The following SLC1A3 variants were observed in gnomAD, a reference collection of about 807,000 sequenced individuals.
SLC1A3 encodes the protein solute carrier family 1 member 3, also known as excitatory amino acid transporter 1.
Under a neutral mutation model 48.1 loss-of-function variants are expected in SLC1A3, and 21 were observed. The observed-to-expected ratio is 0.44, with a 90% CI of 0.31 to 0.63. SLC1A3 has a LOEUF of 0.63. Among genes scored for constraint, SLC1A3 ranks in the 20% least tolerant of loss-of-function variants. The probability of loss-of-function intolerance (pLI) is 0.08; values close to 1 mark genes in which losing one functional copy is unlikely to be tolerated. For synonymous variants in SLC1A3, 239 were observed against 251.4 expected (o/e 0.95, Z 0.47); for missense variants, 546 against 689.0 (o/e 0.79, Z 2.32).
chr5:36,635,877 A>G (rs1164491521), intron 3 of SLC1A3: 1 of 152,156 alleles, frequency 6.6e-6, no homozygotes, highest in Non-Finnish European at 1.5e-5. Context: ...AAACCAACGT[A>G]TTGGGCCTGC....
At chr5:36,655,880 A>G (rs1741264754) in intron 3 of SLC1A3, among the ~76,000 whole-genome samples, 1 of 152,240 alleles carries the variant, frequency 6.6e-6, no homozygotes, top group Admixed American at 6.5e-5. Flanking sequence ...ACTACAATCA[A>G]GTTTCCATTG....
intron 1 of SLC1A3, among the ~76,000 whole-genome samples, chr5:36,600,959 C>A (rs1428107670): frequency 6.6e-6 from 1 of 152,172 alleles, no homozygotes; most frequent in East Asian, 1.9e-4. Flanking sequence ...TTTCTCAACC[C>A]AAAACTGCAT....
intron 2 of SLC1A3, among the ~76,000 whole-genome samples, chr5:36,625,236 T>A (rs886148083): frequency 4.6e-5 from 7 of 152,206 alleles, no homozygotes; most frequent in Admixed American, 2.6e-4. Flanking sequence ...GGCAGGCGGA[T>A]CACGTGACGT....
intron 3 of SLC1A3, among the ~76,000 whole-genome samples, chr5:36,662,875 CAG>C (rs1456370977): frequency 3.6e-4 from 55 of 152,374 alleles, no homozygotes; most frequent in East Asian, 2.1e-3. Flanking sequence ...CTTGACCACT[CAG>C]AGGCCGCCAT....
In SLC1A3 at chr5:36,687,503, G is replaced by A. The variant is rs750506459; in HGVS notation, c.*1234G>A. 3.3e-5 allele frequency: 5 copies of A among 151,828 alleles called. No homozygotes were observed. Among genetic ancestry groups the A allele is most frequent in the South Asian group, 4.2e-4 (2 of 4,790 alleles). 9.4% of individuals were successfully genotyped at this position (151,828 alleles called of 1,614,324 possible). On this transcript the variant is annotated 3_prime_UTR_variant, in exon 10 of 10. Transcript: ENST00000265113. ...AAGTCTGCTTACCAAAACATAAGAC[G>A]ACTTATATATTTGAAAGAAGTCAAA...
At chr5:36,643,287 G>A (rs1740692990) in intron 3 of SLC1A3, among the ~76,000 whole-genome samples, 2 of 152,152 alleles carry the variant, frequency 1.3e-5, no homozygotes, top group Admixed American at 1.3e-4. Context: ...GTGTATGAGT[G>A]TTCTAATTTC....
At position 36,612,603 on chromosome 5, in the gene SLC1A3, A is replaced by AT. The variant is rs1158781529; in HGVS notation, c.181+3999_181+4000insT. 568 of 148,216 alleles carry AT rather than the reference A, an allele frequency of 3.8e-3. 3 individuals are homozygous for AT. The highest frequency in any genetic ancestry group is 0.012 in the African/African-American group (498 of 41,010). 9.2% of individuals were successfully genotyped at this position (148,216 alleles called of 1,614,324 possible). On this transcript the variant is annotated intron_variant, in intron 2 of 9. Coordinates refer to ENST00000265113, the MANE Select transcript of SLC1A3 (RefSeq NM_004172.5). ...GACCCTGTCTCCAAATAAGAAAAAA[A>AT]AAATAATAATAATAATAATAATAAT... is the stretch of plus-strand genomic sequence containing the variant.
rs1156283585 is a variant in SLC1A3, at chr5:36,663,380, ATTT to A, written c.320-7626_320-7624del. Among the ~76,000 whole-genome samples the A allele has an allele frequency of 9.9e-3, 686 of 69,304 alleles. 5 individuals are homozygous for A. Among genetic ancestry groups the A allele is most frequent in the African/African-American group, 0.039 (643 of 16,548 alleles). The allele number at this position is 69,304 out of a possible 152,430, so 45.5% of individuals were successfully genotyped here. A position where few individuals can be genotyped will look rare whatever the true frequency, so the allele number is the denominator to read the frequency against. ...ACAGGCATGCTCCACCACGCCCGGCATTTTTTTTTTTTTTTTTTTTTTTTTGTA... is the reference window on the plus strand; with the variant it reads ...ACAGGCATGCTCCACCACGCCCGGCATTTTTTTTTTTTTTTTTTTTTTGTA... On this transcript the variant is annotated intron_variant, in intron 3 of 9. Transcript: ENST00000265113.
At chr5:36,596,656 C>G (rs1483776516) in exon 1 of SLC1A3, among the ~76,000 whole-genome samples, 4 of 152,212 alleles carry the variant, frequency 2.6e-5, no homozygotes, top group African/African-American at 9.6e-5. Flanking sequence ...GAGACTCCAG[C>G]TACCCTGTGC....
upstream of SLC1A3, among the ~76,000 whole-genome samples, chr5:36,604,932 C>A: frequency 6.9e-6 from 1 of 144,126 alleles, no homozygotes; most frequent in African/African-American, 2.5e-5. Flanking sequence ...GCAAATTAAT[C>A]CTAAACTCAT....
At chr5:36,681,005 G>T (rs1450491485) in intron 8 of SLC1A3, among the ~76,000 whole-genome samples, 1 of 152,052 alleles carries the variant, frequency 6.6e-6, no homozygotes, top group Non-Finnish European at 1.5e-5. Flanking sequence ...TGGGGATTTG[G>T]GGTAATCATT....
At chr5:36,617,669 C>A (rs1739499527) in intron 2 of SLC1A3, among the ~76,000 whole-genome samples, 1 of 151,772 alleles carries the variant, frequency 6.6e-6, no homozygotes, top group Admixed American at 6.6e-5. Context: ...TATACATAGC[C>A]CACTTTTCAC....
upstream of SLC1A3, among the ~76,000 whole-genome samples, chr5:36,604,904 G>A (rs1458529780): frequency 3.1e-4 from 13 of 41,782 alleles, no homozygotes; most frequent in South Asian, 0.013. Context: ...AAAAAAAAGC[G>A]GTGGGGGGGG....
At chr5:36,615,697 C>T (rs1028295271) in intron 2 of SLC1A3, among the ~76,000 whole-genome samples, 2 of 152,184 alleles carry the variant, frequency 1.3e-5, no homozygotes, top group Admixed American at 6.5e-5. Context: ...AAGAGCCTAA[C>T]CTGTTTAGAG....
Position 36,687,191 on chromosome 5 carries a change from C to T in SLC1A3, c.*922C>T, listed in dbSNP as rs909144757. ...GTTCATCCCAATGGGGGAAGTATTCCCTTCTTTCCTACTCTGGGAAGAATG... is the reference window on the plus strand; with the variant it reads ...GTTCATCCCAATGGGGGAAGTATTCTCTTCTTTCCTACTCTGGGAAGAATG... On this transcript the variant is annotated 3_prime_UTR_variant, in exon 10 of 10. Transcript: ENST00000265113. 1 of 152,196 alleles carries T rather than the reference C, an allele frequency of 6.6e-6. No individual in the cohort carries two copies. The highest frequency in any genetic ancestry group is 1.5e-5 in the Non-Finnish European group (1 of 68,056). 9.4% of individuals were successfully genotyped at this position (152,196 alleles called of 1,614,324 possible).
In SLC1A3 at chr5:36,673,589, G is replaced by A. The variant is rs770330970; in HGVS notation, c.525-460G>A. On this transcript the variant is annotated intron_variant, in intron 4 of 9. Transcript: ENST00000265113. ...GTGCCAAAACCCCATTCCCCAGAAC[G>A]CCTTTGGGAGGCTTTTCTGGAGAAC... 3.3e-5 allele frequency among the ~76,000 whole-genome samples: 5 copies of A among 152,196 alleles called. No individual in the cohort carries two copies. In the South Asian group the frequency reaches 6.2e-4, roughly 19 times the overall value.
In SLC1A3 at chr5:36,608,341, AT is replaced by A. The variant is rs1180344933; in HGVS notation, c.-82del. ...TCTCCCATTCTAGTTGTGTTTTCTA[AT>A]ACCAAAGAGGAGGTTTGGCTTTCTG... On this transcript the variant is annotated 5_prime_UTR_variant, in exon 2 of 10. Coordinates refer to ENST00000265113, the MANE Select transcript of SLC1A3 (RefSeq NM_004172.5). 1.5e-6 allele frequency: 2 copies of A among 1,294,728 alleles called. No individual in the cohort carries two copies. Among genetic ancestry groups the A allele is most frequent in the African/African-American group, 1.5e-5 (1 of 67,922 alleles). The allele number at this position is 1,294,728 out of a possible 1,614,324, so 80.2% of individuals were successfully genotyped here. A position where few individuals can be genotyped will look rare whatever the true frequency, so the allele number is the denominator to read the frequency against.
chr5:36,653,903 G>A (rs1007835147), intron 3 of SLC1A3, among the ~76,000 whole-genome samples: 1 of 152,246 alleles, frequency 6.6e-6, no homozygotes, highest in African/African-American at 2.4e-5. Flanking sequence ...GAGTGCAGTG[G>A]TGCGATCTTG....
chr5:36,620,634 C>T (rs898105730), intron 2 of SLC1A3, among the ~76,000 whole-genome samples: 6 of 152,104 alleles, frequency 3.9e-5, no homozygotes, highest in Admixed American at 2.6e-4. Context: ...TTTGTTCATT[C>T]GTTCAACAAT....
Sources: gnomAD v4.1 joint callset for allele counts (sites outside exome capture counted in the v4.1 genomes callset) on GRCh38, gnomAD v4.1.1 for gene constraint, MANE v1.5 for transcripts, NCBI Gene and HGNC (gene_info 2026-07-23, HGNC 2026-07-21) for gene names.